MTUS2: variants seen among roughly 807,000 people sequenced by gnomAD.
MTUS2 encodes the protein microtubule-associated tumor suppressor candidate 2.
In MTUS2, 40 loss-of-function variants were observed where a neutral mutation model predicts 114.1. The observed-to-expected ratio is 0.35, with a 90% CI of 0.27 to 0.46. The LOEUF (loss-of-function observed/expected upper bound fraction) is 0.46, where lower values mean the gene tolerates loss of function less well. Among genes scored for constraint, MTUS2 ranks in the 20% least tolerant of loss-of-function variants. The pLI, the probability that MTUS2 is intolerant of heterozygous loss-of-function variation, is 1.00. For synonymous variants in MTUS2, 688 were observed against 672.0 expected, an observed-to-expected ratio of 1.02 and a Z score of -0.37; for missense variants, 1,679 against 1,705.4, an observed-to-expected ratio of 0.98 and a Z score of 0.27.
At chr13:28,920,153 G>C (rs1880966314) in intron 2 of MTUS2, among the ~76,000 whole-genome samples, 1 of 152,178 alleles carries the variant, frequency 6.6e-6, no homozygotes, top group Non-Finnish European at 1.5e-5. Context: ...ACATTGATGA[G>C]TTAGGCATTT....
At chr13:29,223,591 T>G (rs935301278) in intron 5 of MTUS2, among the ~76,000 whole-genome samples, 1 of 152,190 alleles carries the variant, frequency 6.6e-6, no homozygotes, top group Admixed American at 6.5e-5. Flanking sequence ...ATAAAGCACC[T>G]CTTTGTCTGG....
chr13:28,907,181 A>T lies in MTUS2; in HGVS notation c.-243+67331A>T, dbSNP rs1270264522. On this transcript the variant is annotated intron_variant, in intron 2 of 15. Coordinates refer to ENST00000612955, the MANE Select transcript of MTUS2 (RefSeq NM_001033602.4). ...TTCATAAGTGAAGGAGAAATAAAATACTTTACAGACAAGCAAATGCTGAGA... is the reference window on the plus strand; with the variant it reads ...TTCATAAGTGAAGGAGAAATAAAATTCTTTACAGACAAGCAAATGCTGAGA... Among the ~76,000 whole-genome samples the T allele has an allele frequency of 2.0e-5, 3 of 151,514 alleles. 1 individual carries two copies. Among genetic ancestry groups the T allele is most frequent in the Non-Finnish European group, 4.4e-5 (3 of 67,916 alleles).
At chr13:29,425,224 G>A (rs1212800729) in intron 8 of MTUS2, among the ~76,000 whole-genome samples, 1 of 152,098 alleles carries the variant, frequency 6.6e-6, no homozygotes, top group African/African-American at 2.4e-5. Context: ...GACCAGCCTG[G>A]CCAACATGGT....
rs543848809 is a variant in MTUS2, at chr13:29,147,538, GGTACTAA to G, written c.2644+46571_2644+46577del. ...GGGGTTTGATTGATCTTGTCCCCTAGGTACTAAGTTTAGTACCCAATAGGTAGTTTTT... is the reference window on the plus strand; with the variant it reads ...GGGGTTTGATTGATCTTGTCCCCTAGGTTTAGTACCCAATAGGTAGTTTTT... On this transcript the variant is annotated intron_variant, in intron 5 of 15. Transcript: ENST00000612955. Among the ~76,000 whole-genome samples, 24 of 152,102 alleles carry G rather than the reference GGTACTAA, an allele frequency of 1.6e-4. No individual in the cohort carries two copies. In the East Asian group the frequency reaches 2.9e-3, roughly 18 times the overall value.
At chr13:29,147,424 C>G (rs1382883776) in intron 5 of MTUS2, among the ~76,000 whole-genome samples, 1 of 152,008 alleles carries the variant, frequency 6.6e-6, no homozygotes, top group Non-Finnish European at 1.5e-5. Context: ...AAAATTATGC[C>G]CATTTTAAAA....
intron 2 of MTUS2, among the ~76,000 whole-genome samples, chr13:29,004,200 TTGTGCATGCATGCATGCA>T (rs1381485719): frequency 8.1e-6 from 1 of 123,054 alleles, no homozygotes; most frequent in East Asian, 3.3e-4. Context: ...CGCACATGTA[TTGTGCATGCATGCATGCA>T]TGTACATGCA....
intron 2 of MTUS2, among the ~76,000 whole-genome samples, chr13:28,898,144 C>G (rs962085979): frequency 6.6e-6 from 1 of 151,904 alleles, no homozygotes; most frequent in Non-Finnish European, 1.5e-5. Context: ...TTTGGAGGAC[C>G]CAGTACAAAA....
intron 4 of MTUS2, among the ~76,000 whole-genome samples, chr13:29,087,255 T>C (rs1889732835): frequency 6.6e-6 from 1 of 152,212 alleles, no homozygotes; most frequent in South Asian, 2.1e-4. Flanking sequence ...AGATGGTTCT[T>C]ATTAGTTTGA....
intron 4 of MTUS2, among the ~76,000 whole-genome samples, chr13:29,078,076 G>T (rs1178782555): frequency 6.6e-6 from 1 of 152,016 alleles, no homozygotes; most frequent in African/African-American, 2.4e-5. Flanking sequence ...AATCTTTTTT[G>T]TTGTTCGAAT....
chr13:28,847,418 CCAAAGG>C (rs1315395579), intron 2 of MTUS2, among the ~76,000 whole-genome samples: 1 of 151,772 alleles, frequency 6.6e-6, no homozygotes, highest in East Asian at 1.9e-4. Flanking sequence ...GGGGAGTAGT[CCAAAGG>C]CAAAGGCAAG....
At chr13:29,390,717 G>A (rs1278952243) in intron 8 of MTUS2, among the ~76,000 whole-genome samples, 1 of 151,534 alleles carries the variant, frequency 6.6e-6, no homozygotes, top group Non-Finnish European at 1.5e-5. Context: ...ATCGGTGTTG[G>A]TTTAGGAACA....
chr13:29,486,202 T>G (rs1881605298), intron 10 of MTUS2, among the ~76,000 whole-genome samples: 1 of 151,918 alleles, frequency 6.6e-6, no homozygotes, highest in African/African-American at 2.4e-5. Context: ...TAAATGGGAG[T>G]GAGCCATTGT....
intron 2 of MTUS2, among the ~76,000 whole-genome samples, chr13:29,016,316 CT>C (rs1485006724): frequency 6.7e-6 from 1 of 148,784 alleles, no homozygotes; most frequent in African/African-American, 2.5e-5. Flanking sequence ...AATGAATGCT[CT>C]TTATTTTCTG....
rs201657581 is a variant in MTUS2, at chr13:29,503,248, C to T, written c.*42C>T. 13 of 1,600,758 alleles carry T rather than the reference C, an allele frequency of 8.1e-6. No individual in the cohort carries two copies. Among genetic ancestry groups the T allele is most frequent in the Middle Eastern group, 2.2e-4 (1 of 4,568 alleles). ...GCGGGAGCTCCGGCTTCTCGTCCTC[C>T]GGTCTCCACCCTGAGGGAGCACCGA... On this transcript the variant is annotated 3_prime_UTR_variant, in exon 16 of 16. Transcript: ENST00000612955.
At chr13:28,972,738 C>T (rs1292158955) in intron 2 of MTUS2, among the ~76,000 whole-genome samples, 1 of 152,140 alleles carries the variant, frequency 6.6e-6, no homozygotes. Context: ...AAAGGTAATT[C>T]TTTAAAAATT....
chr13:28,857,418 T>G (rs1345140682), intron 2 of MTUS2, among the ~76,000 whole-genome samples: 1 of 152,096 alleles, frequency 6.6e-6, no homozygotes, highest in Non-Finnish European at 1.5e-5. Context: ...GAGACTCAGA[T>G]AAGAACAAAA....
rs5802498 is a variant in MTUS2, at chr13:28,941,069, C to CA, written c.-242-83377dup. Among the ~76,000 whole-genome samples, 310 of 148,836 alleles carry CA rather than the reference C, an allele frequency of 2.1e-3. 3 individuals are homozygous for CA. The highest frequency in any genetic ancestry group is 0.014 in the Middle Eastern group (4 of 290). Reference sequence around the variant, plus strand: ...AGGTAACTAATAGATTACTACAAAGCAAAAAAAAAAATTCAAAATCATAGT... The same window carrying CA: ...AGGTAACTAATAGATTACTACAAAGCAAAAAAAAAAAATTCAAAATCATAGT... On this transcript the variant is annotated intron_variant, in intron 2 of 15. Transcript: ENST00000612955.
intron 2 of MTUS2, among the ~76,000 whole-genome samples, chr13:28,962,524 A>T (rs1883377516): frequency 6.6e-6 from 1 of 152,116 alleles, no homozygotes; most frequent in Non-Finnish European, 1.5e-5. Context: ...AGCTTTGTAG[A>T]TGGCAGGTCA....
chr13:29,313,362 A>G (rs1027252109), intron 6 of MTUS2, among the ~76,000 whole-genome samples: 7 of 152,238 alleles, frequency 4.6e-5, no homozygotes, highest in South Asian at 4.1e-4. Flanking sequence ...AGGCAAGATC[A>G]TTATTTATGG....
Sources: gnomAD v4.1 joint callset for allele counts (sites outside exome capture counted in the v4.1 genomes callset) on GRCh38, gnomAD v4.1.1 for gene constraint, MANE v1.5 for transcripts, NCBI Gene and HGNC (gene_info 2026-07-23, HGNC 2026-07-21) for gene names.